THADA: variants seen among roughly 807,000 people sequenced by gnomAD.
THADA encodes tRNA (32-2'-O)-methyltransferase regulator THADA.
THADA carries 213 observed loss-of-function variants against 219.8 expected under a neutral mutation model. The ratio of observed to expected loss-of-function variants is 0.97; its 90% confidence interval spans 0.87 to 1.09. THADA has a LOEUF of 1.09. Among genes scored for constraint, THADA ranks in the 50% least tolerant of loss-of-function variants. THADA has a pLI of 0.00. For missense variants in THADA, 2,956 were observed against 2,311.3 expected, an observed-to-expected ratio of 1.28 and a Z score of -5.72; for synonymous variants, 1,018 against 828.9, an observed-to-expected ratio of 1.23 and a Z score of -3.92.
intron 29 of THADA, among the ~76,000 whole-genome samples, chr2:43,351,635 C>T (rs1482505388): frequency 6.6e-6 from 1 of 152,188 alleles, no homozygotes; most frequent in Non-Finnish European, 1.5e-5. Flanking sequence ...GAGTATAGAG[C>T]TCTTTATCTG....
chr2:43,288,281 G>C (rs1402896255), intron 34 of THADA, among the ~76,000 whole-genome samples: 1 of 152,190 alleles, frequency 6.6e-6, no homozygotes, highest in East Asian at 1.9e-4. Context: ...AGCTGGACAT[G>C]GTGGCGCGTG....
chr2:43,289,703 G>C (rs936076080), intron 34 of THADA, among the ~76,000 whole-genome samples: 1 of 152,166 alleles, frequency 6.6e-6, no homozygotes, highest in African/African-American at 2.4e-5. Flanking sequence ...CCAGGCTGGA[G>C]TACAGTGAGA....
chr2:43,403,122 T>G (rs1675070657), intron 28 of THADA, among the ~76,000 whole-genome samples: 1 of 152,234 alleles, frequency 6.6e-6, no homozygotes, highest in African/African-American at 2.4e-5. Flanking sequence ...CCAGCATACT[T>G]TGGGTCATAA....
intron 8 of THADA, among the ~76,000 whole-genome samples, chr2:43,580,048 C>T (rs1244900699): frequency 5.8e-5 from 6 of 103,838 alleles, no homozygotes; most frequent in Middle Eastern, 6.8e-3. Context: ...TTTTTTGAGA[C>T]GGAGGCTTGC....
chr2:43,496,856 G>A (rs1251540372), intron 25 of THADA, among the ~76,000 whole-genome samples: 1 of 152,100 alleles, frequency 6.6e-6, no homozygotes, highest in African/African-American at 2.4e-5. Context: ...ATAATTCATT[G>A]CAGCATTATT....
chr2:43,320,353 G>T, intron 31 of THADA, 93 bp downstream of exon 31: 1 of 820,540 alleles, frequency 1.2e-6, no homozygotes, highest in Non-Finnish European at 2.0e-6. Context: ...AAAAGTAGAA[G>T]GTGGAGCAGT....
intron 26 of THADA, among the ~76,000 whole-genome samples, chr2:43,456,845 A>G (rs1683058028): frequency 6.6e-6 from 1 of 152,200 alleles, no homozygotes; most frequent in Non-Finnish European, 1.5e-5. Context: ...TCAAGATACT[A>G]AGATACTAAG....
At chr2:43,479,894 C>A (rs1300631146) in intron 26 of THADA, among the ~76,000 whole-genome samples, 1 of 152,106 alleles carries the variant, frequency 6.6e-6, no homozygotes, top group African/African-American at 2.4e-5. Context: ...TAAAGTCAAC[C>A]CAAAACAAAA....
Position 43,574,444 on chromosome 2 carries a change from G to C in THADA, c.1621C>G (p.Gln541Glu). 2 of 1,612,612 alleles carry C rather than the reference G, an allele frequency of 1.2e-6. No individual in the cohort carries two copies. The highest frequency in any genetic ancestry group is 1.7e-6 in the Non-Finnish European group (2 of 1,179,210). The change falls in exon 11 of 38, where the codon CAA (glutamine) becomes GAA (glutamate). Residue 541 changes from glutamine (Q) to glutamate (E), a missense_variant. Gln to Glu is a conservative substitution (Grantham distance 29). Transcript: ENST00000405975. The part of the protein sequence containing the change: ...LFILCEGNLD[Q>E]KSYVIDYYLP... ...TAATAATCAATCACGTAAGATTTTT[G>C]ATCCAAGTTTCCTTCACACAATATA...
intron 26 of THADA, among the ~76,000 whole-genome samples, chr2:43,480,096 C>G (rs997063010): frequency 1.3e-5 from 2 of 152,220 alleles, no homozygotes; most frequent in African/African-American, 4.8e-5. Flanking sequence ...TGGTGTGTAA[C>G]AGCATGTGCT....
intron 20 of THADA, among the ~76,000 whole-genome samples, chr2:43,548,367 T>C (rs1163996400): frequency 5.9e-5 from 9 of 152,336 alleles, no homozygotes; most frequent in East Asian, 3.9e-4. Context: ...TCTCCAGCTG[T>C]GTGCTGGGAG....
At chr2:43,331,908 A>G (rs1043992987) in intron 30 of THADA, among the ~76,000 whole-genome samples, 4 of 101,008 alleles carry the variant, frequency 4.0e-5, no homozygotes, top group Non-Finnish European at 6.2e-5. Flanking sequence ...ACTCCATTAT[A>G]TATATCTAAT....
chr2:43,328,009 T>C (rs980490010), intron 30 of THADA, among the ~76,000 whole-genome samples: 11 of 152,164 alleles, frequency 7.2e-5, no homozygotes, highest in Non-Finnish European at 1.2e-4. Flanking sequence ...ATCCTGTGGA[T>C]AGGAGTTAGG....
intron 22 of THADA, among the ~76,000 whole-genome samples, chr2:43,515,043 TATATATTTTATATATA>T (rs1343101123): frequency 2.8e-4 from 14 of 50,440 alleles, no homozygotes; most frequent in Middle Eastern, 0.025. Context: ...TATATAAATA[TATATATTTTATATATA>T]ATATATTTTA....
intron 36 of THADA, among the ~76,000 whole-genome samples, chr2:43,245,787 G>A (rs1333318478): frequency 6.6e-6 from 1 of 152,178 alleles, no homozygotes; most frequent in Admixed American, 6.5e-5. Context: ...ACACACTGGT[G>A]GGATATGGGT....
At chr2:43,548,714 C>T (rs979044945) in intron 20 of THADA, among the ~76,000 whole-genome samples, 9 of 151,760 alleles carry the variant, frequency 5.9e-5, no homozygotes, top group South Asian at 2.1e-4. Context: ...TTTTTAAGCC[C>T]GTCGGAAAAG....
In THADA at chr2:43,571,802, T is replaced by G. The variant is rs3752354; in HGVS notation, c.1969A>C (p.Met657Leu). 2 of 1,613,856 alleles carry G rather than the reference T, an allele frequency of 1.2e-6. No individual in the cohort carries two copies. The highest frequency in any genetic ancestry group is 1.7e-6 in the Non-Finnish European group (2 of 1,179,878). ...AACTGAATCCACTGCATTTCTTCCA[T>G]GGAAACAATTTCTGTGCTCCGATTA... ...ESNRSTEIVS[M>L]EEMQWIQFFI... is the part of the protein sequence containing the mutation. Residue 657 changes from methionine (M) to leucine (L), a missense_variant, in exon 13 of 38, where the codon ATG becomes CTG. Met to Leu is a conservative substitution (Grantham distance 15). Coordinates refer to ENST00000405975, the MANE Select transcript of THADA (RefSeq NM_022065.5).
At chr2:43,394,851 C>T (rs1257290391) in intron 29 of THADA, among the ~76,000 whole-genome samples, 2 of 152,206 alleles carry the variant, frequency 1.3e-5, no homozygotes, top group African/African-American at 4.8e-5. Context: ...TACCCAACAA[C>T]CACATTTGCT....
At chr2:43,337,990 T>A (rs550001209) in intron 30 of THADA, among the ~76,000 whole-genome samples, 2 of 152,220 alleles carry the variant, frequency 1.3e-5, no homozygotes, top group South Asian at 4.1e-4. Context: ...AATGATAACT[T>A]CAGATGAATG....
Sources: gnomAD v4.1 joint callset for allele counts (sites outside exome capture counted in the v4.1 genomes callset) on GRCh38, gnomAD v4.1.1 for gene constraint, MANE v1.5 for transcripts, NCBI Gene and HGNC (gene_info 2026-07-23, HGNC 2026-07-21) for gene names.